MDFIC2: variants seen among roughly 807,000 people sequenced by gnomAD.
MDFIC2 encodes the protein MyoD family inhibitor domain containing 2, also known as myoD family inhibitor domain-containing protein 2.
At chr3:70,242,292 A>C (rs1384127305) in intron 2 of MDFIC2, among the ~76,000 whole-genome samples, 1 of 152,202 alleles carries the variant, frequency 6.6e-6, no homozygotes. Flanking sequence ...TCTCTTTGGA[A>C]ATGGTGGGAA....
At chr3:70,274,160 T>A (rs1702000451) in intron 2 of MDFIC2, among the ~76,000 whole-genome samples, 1 of 151,672 alleles carries the variant, frequency 6.6e-6, no homozygotes, top group Non-Finnish European at 1.5e-5. Flanking sequence ...GAAATTATAC[T>A]CTCATACATA....
At chr3:70,268,392 T>C (rs1701942805) in intron 2 of MDFIC2, among the ~76,000 whole-genome samples, 1 of 148,398 alleles carries the variant, frequency 6.7e-6, no homozygotes, top group Admixed American at 7.0e-5. Context: ...GGAGAATCAC[T>C]TGAACCCGGG....
At chr3:70,254,526 G>A (rs1223378002) in intron 2 of MDFIC2, among the ~76,000 whole-genome samples, 1 of 152,136 alleles carries the variant, frequency 6.6e-6, no homozygotes, top group Non-Finnish European at 1.5e-5. Flanking sequence ...TTTTCACTTA[G>A]AGAGCTTTTG....
At chr3:70,295,889 C>T (rs1189409563) in intron 2 of MDFIC2, among the ~76,000 whole-genome samples, 1 of 152,068 alleles carries the variant, frequency 6.6e-6, no homozygotes, top group Non-Finnish European at 1.5e-5. Flanking sequence ...TTGATCTTTG[C>T]CTTGTTTCCC....
intron 2 of MDFIC2, among the ~76,000 whole-genome samples, chr3:70,247,973 T>C (rs1701723975): frequency 6.6e-6 from 1 of 152,106 alleles, no homozygotes; most frequent in South Asian, 2.1e-4. Flanking sequence ...TAGAATTTAA[T>C]GCTACAATGA....
At chr3:70,209,472 C>A (rs1701321416) in intron 2 of MDFIC2, among the ~76,000 whole-genome samples, 2 of 151,992 alleles carry the variant, frequency 1.3e-5, no homozygotes, top group Admixed American at 6.6e-5. Flanking sequence ...CACAAAGAGT[C>A]TAGGAGGTAG....
At chr3:70,277,000 T>TCA (rs1702033638) in intron 2 of MDFIC2, among the ~76,000 whole-genome samples, 1 of 152,182 alleles carries the variant, frequency 6.6e-6, no homozygotes, top group Non-Finnish European at 1.5e-5. Flanking sequence ...AAGGAACTCT[T>TCA]CACACACACA....
chr3:70,292,328 C>G (rs895928895), intron 2 of MDFIC2, among the ~76,000 whole-genome samples: 8 of 152,084 alleles, frequency 5.3e-5, no homozygotes, highest in Non-Finnish European at 1.2e-4. Flanking sequence ...AGAATGGAGT[C>G]TCTGAGAGCC....
chr3:70,287,870 T>C (rs1179914750), intron 2 of MDFIC2, among the ~76,000 whole-genome samples: 2 of 152,098 alleles, frequency 1.3e-5, no homozygotes, highest in Admixed American at 6.5e-5. Context: ...TATTCTCTGA[T>C]GGTAGTTTGT....
intron 2 of MDFIC2, among the ~76,000 whole-genome samples, chr3:70,247,902 T>G (rs981018619): frequency 6.6e-6 from 1 of 152,098 alleles, no homozygotes; most frequent in African/African-American, 2.4e-5. Flanking sequence ...GTTTCTGTTT[T>G]CTGTAGTAAA....
intron 2 of MDFIC2, among the ~76,000 whole-genome samples, chr3:70,271,477 C>T (rs6783733): frequency 0.83 from 126,833 of 152,050 alleles, 53,207 homozygotes; most frequent in Non-Finnish European, 0.88. Flanking sequence ...ATTTGTATGA[C>T]AAATTTCTGA....
At chr3:70,279,583 T>C (rs547193657) in intron 2 of MDFIC2, among the ~76,000 whole-genome samples, 1 of 152,288 alleles carries the variant, frequency 6.6e-6, no homozygotes, top group East Asian at 1.9e-4. Context: ...GAGCTCCCAG[T>C]CCAGACGGAA....
chr3:70,206,710 T>C lies in MDFIC2; in HGVS notation c.169A>G (p.Ile57Val), dbSNP rs1701294323. 1 of 397,772 alleles carries C rather than the reference T, an allele frequency of 2.5e-6. No homozygotes were observed. Among genetic ancestry groups the C allele is most frequent in the African/African-American group, 2.1e-5 (1 of 48,594 alleles). The allele number at this position is 397,772 out of a possible 1,614,324, so 24.6% of individuals were successfully genotyped here. ...IVINSVSDFN[I>V]TDGPAKENPN... ...TTTTCCTTGGCTGGTCCATCTGTGA[T>C]ATTGAAGTCAGATACTGAATTTATA... Residue 57 changes from isoleucine (I) to valine (V), a missense_variant, in exon 3 of 4, where the codon ATC becomes GTC. By Grantham distance (29) the Ile-to-Val change is conservative. Transcript: ENST00000567252.
At chr3:70,277,197 C>T (rs149383271) in intron 2 of MDFIC2, among the ~76,000 whole-genome samples, 15 of 152,264 alleles carry the variant, frequency 9.9e-5, no homozygotes, top group African/African-American at 3.4e-4. Context: ...GAACAATGAA[C>T]ATAGCCCGTA....
intron 2 of MDFIC2, among the ~76,000 whole-genome samples, chr3:70,251,225 A>G (rs979064586): frequency 6.6e-6 from 1 of 152,218 alleles, no homozygotes; most frequent in Non-Finnish European, 1.5e-5. Flanking sequence ...TTACTGTCTC[A>G]GAATTTTGAG....
chr3:70,224,797 GATAATAT>G (rs2106739559), intron 2 of MDFIC2, among the ~76,000 whole-genome samples: 1 of 151,998 alleles, frequency 6.6e-6, no homozygotes, highest in Admixed American at 6.6e-5. Context: ...CATTGCAGTT[GATAATAT>G]CACTGTAATT....
At chr3:70,288,098 T>G in intron 2 of MDFIC2, among the ~76,000 whole-genome samples, 1 of 148,752 alleles carries the variant, frequency 6.7e-6, no homozygotes, top group Admixed American at 6.7e-5. Flanking sequence ...TGCCTTCTGC[T>G]AGCTTTTGAA....
At chr3:70,248,416 TA>T (rs1186551724) in intron 2 of MDFIC2, among the ~76,000 whole-genome samples, 1 of 152,034 alleles carries the variant, frequency 6.6e-6, no homozygotes, top group Non-Finnish European at 1.5e-5. Flanking sequence ...GAAGCAGAAT[TA>T]GAAGCACACT....
At chr3:70,265,223 C>G (rs13087025) in intron 2 of MDFIC2, among the ~76,000 whole-genome samples, 66,948 of 151,914 alleles carry the variant, frequency 0.44, 15,941 homozygotes, top group Non-Finnish European at 0.54. Context: ...TCATGTAAGT[C>G]TCTCTGGATA....
Sources: allele counts gnomAD v4.1 joint callset (sites outside exome capture counted in the v4.1 genomes callset), GRCh38; gene constraint gnomAD v4.1.1; transcripts MANE v1.5; gene names NCBI Gene and HGNC (gene_info 2026-07-23, HGNC 2026-07-21).